The following RPS6KC1 variants were observed in gnomAD, a reference collection of about 807,000 sequenced individuals.
The protein encoded by RPS6KC1 is ribosomal protein S6 kinase C1, also known as inactive ribosomal protein S6 kinase delta-1.
A neutral mutation model predicts 103.8 loss-of-function variants in RPS6KC1; 54 were observed. The observed-to-expected ratio is 0.52, with a 90% CI of 0.42 to 0.65. RPS6KC1 has a LOEUF of 0.65. Ranked by LOEUF, RPS6KC1 falls within the 30% of genes least tolerant of loss-of-function variation. RPS6KC1 has a pLI of 0.00. For missense variants in RPS6KC1, 1,151 were observed against 1,253.8 expected (o/e 0.92, Z 1.24); for synonymous variants, 439 against 438.7 (o/e 1.00, Z -0.01).
At chr1:213,496,181 GAAAAC>G in the RPS6KC1 span, among the ~76,000 whole-genome samples, 1 of 151,696 alleles carries the variant, frequency 6.6e-6, no homozygotes, top group Non-Finnish European at 1.5e-5. Flanking sequence ...ACCAAAATAA[GAAAAC>G]AAAAGAAAAA....
At chr1:213,397,923 C>T in the RPS6KC1 span, among the ~76,000 whole-genome samples, 2 of 152,128 alleles carry the variant, frequency 1.3e-5, no homozygotes, top group Non-Finnish European at 2.9e-5. Flanking sequence ...CTGCTCAGGC[C>T]GTGGAGACAG....
chr1:213,721,939 G>T, the RPS6KC1 span, among the ~76,000 whole-genome samples: 1 of 152,266 alleles, frequency 6.6e-6, no homozygotes, highest in African/African-American at 2.4e-5. Context: ...CACTTAGCCT[G>T]GGTGATTCAA....
chr1:213,717,932 C>T, the RPS6KC1 span, among the ~76,000 whole-genome samples: 1 of 152,168 alleles, frequency 6.6e-6, no homozygotes, highest in East Asian at 1.9e-4. Flanking sequence ...AGACCCTACT[C>T]ATCCACCATT....
At chr1:213,214,504 T>C (rs2093606432) in intron 8 of RPS6KC1, among the ~76,000 whole-genome samples, 1 of 152,186 alleles carries the variant, frequency 6.6e-6, no homozygotes, top group Non-Finnish European at 1.5e-5. Flanking sequence ...TAAATGTCCC[T>C]GTCTGACAGC....
chr1:213,804,003 C>T, the RPS6KC1 span, among the ~76,000 whole-genome samples: 1 of 151,220 alleles, frequency 6.6e-6, no homozygotes, highest in Non-Finnish European at 1.5e-5. Context: ...GGAGATACAC[C>T]TAATGTAAAT....
At chr1:213,064,249 G>C (rs909092184) in intron 1 of RPS6KC1, among the ~76,000 whole-genome samples, 1 of 152,014 alleles carries the variant, frequency 6.6e-6, no homozygotes. Context: ...TAGAGGCGGG[G>C]TTTCACCATG....
the RPS6KC1 span, among the ~76,000 whole-genome samples, chr1:213,432,749 C>T: frequency 1.4e-5 from 2 of 147,338 alleles, no homozygotes; most frequent in Non-Finnish European, 3.0e-5. Flanking sequence ...AATCATTTCC[C>T]TTTTTTTTTT....
At chr1:213,502,391 C>A in the RPS6KC1 span, among the ~76,000 whole-genome samples, 7 of 151,930 alleles carry the variant, frequency 4.6e-5, no homozygotes, top group Non-Finnish European at 7.4e-5. Context: ...TGAAAACAAA[C>A]CCAGTAAAAA....
chr1:213,209,887 T>C (rs996267302), intron 8 of RPS6KC1, among the ~76,000 whole-genome samples: 3 of 152,082 alleles, frequency 2.0e-5, no homozygotes, highest in Non-Finnish European at 4.4e-5. Context: ...TCCTACTCTT[T>C]TTAGACTATA....
intron 3 of RPS6KC1, among the ~76,000 whole-genome samples, chr1:213,085,122 G>A (rs941067879): frequency 2.0e-5 from 3 of 152,198 alleles, no homozygotes; most frequent in Admixed American, 2.0e-4. Context: ...TGGCAGGGAT[G>A]CTCTCTTTTC....
the RPS6KC1 span, among the ~76,000 whole-genome samples, chr1:213,496,651 G>A: frequency 6.6e-6 from 1 of 152,080 alleles, no homozygotes; most frequent in African/African-American, 2.4e-5. Flanking sequence ...CCAGCTACTC[G>A]TGAGGCTGAG....
chr1:213,667,368 C>T, the RPS6KC1 span, among the ~76,000 whole-genome samples: 1 of 152,068 alleles, frequency 6.6e-6, no homozygotes, highest in African/African-American at 2.4e-5. Context: ...TTTGGCTTCC[C>T]AGTACATATA....
chr1:213,735,106 G>T, the RPS6KC1 span, among the ~76,000 whole-genome samples: 1 of 152,298 alleles, frequency 6.6e-6, no homozygotes, highest in African/African-American at 2.4e-5. Context: ...TGTAGTTTTA[G>T]TAGAGATGGG....
chr1:213,798,263 C>G, the RPS6KC1 span, among the ~76,000 whole-genome samples: 4 of 152,342 alleles, frequency 2.6e-5, no homozygotes, highest in East Asian at 1.9e-4. Flanking sequence ...GGCAGAGATT[C>G]TTAGCAGCAG....
the RPS6KC1 span, among the ~76,000 whole-genome samples, chr1:213,330,212 G>C: frequency 2.0e-5 from 3 of 152,196 alleles, no homozygotes; most frequent in Admixed American, 2.0e-4. Flanking sequence ...TGGGATTTTA[G>C]TTCCAAAATG....
chr1:213,254,350 A>G (rs1444626498), intron 12 of RPS6KC1, among the ~76,000 whole-genome samples: 1 of 152,196 alleles, frequency 6.6e-6, no homozygotes, highest in Non-Finnish European at 1.5e-5. Flanking sequence ...AAAGATGATA[A>G]TGGTTAGATT....
chr1:213,133,376 T>C (rs924077109), intron 6 of RPS6KC1, among the ~76,000 whole-genome samples: 1 of 152,170 alleles, frequency 6.6e-6, no homozygotes, highest in African/African-American at 2.4e-5. Context: ...TTAAGTAATT[T>C]ATTACATGCC....
the RPS6KC1 span, among the ~76,000 whole-genome samples, chr1:213,400,017 C>T: frequency 1.3e-5 from 2 of 152,132 alleles, no homozygotes; most frequent in South Asian, 2.1e-4. Context: ...GGGCTGGGCG[C>T]CGAATCACTT....
chr1:213,557,059 G>C, the RPS6KC1 span, among the ~76,000 whole-genome samples: 15 of 152,236 alleles, frequency 9.9e-5, no homozygotes, highest in African/African-American at 3.6e-4. Context: ...GGAGGCCCAG[G>C]GATGGAAGTA....
Sources: allele counts gnomAD v4.1 joint callset (sites outside exome capture counted in the v4.1 genomes callset), GRCh38; gene constraint gnomAD v4.1.1; transcripts MANE v1.5; gene names NCBI Gene and HGNC (gene_info 2026-07-23, HGNC 2026-07-21).